ATP10B: variants seen among roughly 807,000 people sequenced by gnomAD.
ATP10B encodes phospholipid-transporting ATPase VB.
Under a neutral mutation model 141.2 loss-of-function variants are expected in ATP10B, and 122 were observed. The ratio of observed to expected loss-of-function variants is 0.86; its 90% CI spans 0.75 to 1.00. The LOEUF (loss-of-function observed/expected upper bound fraction) is 1.00, where lower values mean the gene tolerates loss of function less well. ATP10B is among the 50% of genes least tolerant of loss of function. The pLI is 0.00. For synonymous variants in ATP10B, 685 were observed against 692.0 expected (o/e 0.99, Z 0.16); for missense variants, 1,876 against 1,825.3 (o/e 1.03, Z -0.51).
chr5:160,685,220 T>A (rs1763677457), intron 6 of ATP10B: 1 of 596,986 alleles, frequency 1.7e-6, no homozygotes, highest in East Asian at 2.8e-5. Context: ...TCCTTTTTCA[T>A]CTCTGCTCAA....
intron 10 of ATP10B, among the ~76,000 whole-genome samples, chr5:160,636,983 T>TC (rs149045770): frequency 2.2e-5 from 2 of 92,704 alleles, no homozygotes; most frequent in Non-Finnish European, 4.2e-5. Context: ...AATCCCTCCA[T>TC]CCACCCACCC....
chr5:160,902,563 T>A, the ATP10B span, among the ~76,000 whole-genome samples: 1 of 152,268 alleles, frequency 6.6e-6, no homozygotes, highest in South Asian at 2.1e-4. Context: ...GTTGAAAACA[T>A]TCTTGAAGTC....
chr5:160,910,579 A>T, the ATP10B span, among the ~76,000 whole-genome samples: 1 of 152,232 alleles, frequency 6.6e-6, no homozygotes, highest in Non-Finnish European at 1.5e-5. Context: ...GTTTAGTCTC[A>T]TTCAGGCTTC....
chr5:160,761,052 C>G (rs1362909339), intron 2 of ATP10B, among the ~76,000 whole-genome samples: 1 of 152,150 alleles, frequency 6.6e-6, no homozygotes, highest in Non-Finnish European at 1.5e-5. Flanking sequence ...CCCCCTTCTA[C>G]TACTGCAGCT....
intron 1 of ATP10B, among the ~76,000 whole-genome samples, chr5:160,823,031 T>G (rs1284741358): frequency 8.3e-6 from 1 of 119,814 alleles, no homozygotes; most frequent in African/African-American, 3.1e-5. Context: ...TATATATATA[T>G]ATATAAAATA....
chr5:160,594,741 A>G (rs985989590), intron 22 of ATP10B, among the ~76,000 whole-genome samples: 2 of 151,460 alleles, frequency 1.3e-5, no homozygotes, highest in African/African-American at 4.8e-5. Flanking sequence ...TTGCAATCCT[A>G]GTCTCTGATA....
At position 160,653,437 on chromosome 5, in the gene ATP10B, TAC is replaced by T. The variant is rs1761085786; in HGVS notation, c.676-4183_676-4182del. ...TAGGTAGTATATATACATATGTACA[TAC>T]ATACATAGGTAGTATATATACATAT... On this transcript the variant is annotated intron_variant, in intron 7 of 25. Transcript: ENST00000327245. Among the ~76,000 whole-genome samples, 2 of 45,684 alleles carry T rather than the reference TAC, an allele frequency of 4.4e-5. 1 individual carries two copies. The highest frequency in any genetic ancestry group is 1.6e-4 in the African/African-American group (2 of 12,266). 30.0% of individuals were successfully genotyped at this position (45,684 alleles called of 152,430 possible).
the ATP10B span, among the ~76,000 whole-genome samples, chr5:160,920,425 C>G: frequency 6.6e-6 from 1 of 152,186 alleles, no homozygotes; most frequent in African/African-American, 2.4e-5. Context: ...TTAGAAGAAT[C>G]TCAATATTGC....
chr5:160,666,902 G>A (rs1762351633), intron 7 of ATP10B, among the ~76,000 whole-genome samples: 1 of 152,208 alleles, frequency 6.6e-6, no homozygotes, highest in Admixed American at 6.5e-5. Context: ...GGGCCAGGGA[G>A]ATGAAGTACT....
intron 2 of ATP10B, among the ~76,000 whole-genome samples, chr5:160,757,423 G>A (rs576661089): frequency 6.6e-6 from 1 of 152,294 alleles, no homozygotes; most frequent in African/African-American, 2.4e-5. Flanking sequence ...TACAAGGGTA[G>A]GGAAAATGTT....
chr5:160,604,685 G>A (rs1757279181), intron 19 of ATP10B, among the ~76,000 whole-genome samples: 2 of 152,098 alleles, frequency 1.3e-5, no homozygotes, highest in East Asian at 3.9e-4. Flanking sequence ...GTTGTTTCAG[G>A]AAACTGGAGG....
At chr5:160,812,899 A>G (rs898069442) in intron 1 of ATP10B, among the ~76,000 whole-genome samples, 1 of 152,242 alleles carries the variant, frequency 6.6e-6, no homozygotes, top group Non-Finnish European at 1.5e-5. Flanking sequence ...TTCAAGCACA[A>G]GAAGGTTGTA....
chr5:160,743,949 A>G (rs1166685689), intron 2 of ATP10B, among the ~76,000 whole-genome samples: 1 of 152,194 alleles, frequency 6.6e-6, no homozygotes, highest in East Asian at 1.9e-4. Context: ...AGCTCCCACA[A>G]CAAAGAATTA....
chr5:160,792,508 CA>C (rs1771650146), intron 1 of ATP10B, among the ~76,000 whole-genome samples: 1 of 152,078 alleles, frequency 6.6e-6, no homozygotes, highest in African/African-American at 2.4e-5. Flanking sequence ...GGTTCTGAGT[CA>C]CCTCTCTGAA....
Position 160,791,322 on chromosome 5 carries a change from G to A in ATP10B, c.-575-5519C>T, listed in dbSNP as rs1242638202. On this transcript the variant is annotated intron_variant, in intron 1 of 25. Coordinates refer to ENST00000327245, the MANE Select transcript of ATP10B (RefSeq NM_025153.3). ...TAGGGCAGCAATAGGAAATTAATAT[G>A]CTGACTATTGGTTGAATCTCTATTC... Among the ~76,000 whole-genome samples the A allele has an allele frequency of 2.0e-5, 3 of 152,118 alleles. No homozygotes were observed. The South Asian group carries it at 6.2e-4, about 32-fold the overall frequency.
chr5:160,611,042 A>T (rs1025200840), intron 18 of ATP10B, among the ~76,000 whole-genome samples: 1 of 152,220 alleles, frequency 6.6e-6, no homozygotes, highest in African/African-American at 2.4e-5. Context: ...TAAGTCTAAG[A>T]CTTAGAATGT....
intron 2 of ATP10B, among the ~76,000 whole-genome samples, chr5:160,745,397 A>G (rs1040426603): frequency 1.3e-5 from 2 of 152,246 alleles, no homozygotes; most frequent in African/African-American, 4.8e-5. Flanking sequence ...ACAAAACTCC[A>G]TGATGCAATT....
At chr5:160,905,085 A>G in the ATP10B span, among the ~76,000 whole-genome samples, 1 of 152,238 alleles carries the variant, frequency 6.6e-6, no homozygotes, top group Non-Finnish European at 1.5e-5. Context: ...GTATTATACC[A>G]AGCCCTTACA....
intron 2 of ATP10B, among the ~76,000 whole-genome samples, chr5:160,730,869 G>A (rs1266392102): frequency 6.6e-6 from 1 of 152,162 alleles, no homozygotes; most frequent in Admixed American, 6.5e-5. Flanking sequence ...GAGTTGGTGG[G>A]AAGTCACTTT....
Sources: gnomAD v4.1 joint callset for allele counts (sites outside exome capture counted in the v4.1 genomes callset) on GRCh38, gnomAD v4.1.1 for gene constraint, MANE v1.5 for transcripts, NCBI Gene and HGNC (gene_info 2026-07-23, HGNC 2026-07-21) for gene names.